The following MMS22L variants were observed in gnomAD, a reference collection of about 807,000 sequenced individuals.
MMS22L encodes protein MMS22-like.
MMS22L carries 74 observed loss-of-function variants against 159.1 expected under a neutral mutation model. The observed-to-expected ratio is 0.47, with a 90% confidence interval of 0.39 to 0.56. MMS22L has a LOEUF of 0.56. Ranked by LOEUF, MMS22L falls within the 20% of genes least tolerant of loss-of-function variation. The pLI is 0.00. For missense variants in MMS22L, 1,351 were observed against 1,422.1 expected, an observed-to-expected ratio of 0.95 and a Z score of 0.80; for synonymous variants, 517 against 506.9, an observed-to-expected ratio of 1.02 and a Z score of -0.27.
At position 97,146,106 on chromosome 6, in the gene MMS22L, T is replaced by A. The variant is rs1375237098; in HGVS notation, c.*700A>T. 1.3e-5 allele frequency: 2 copies of A among 149,792 alleles called. No homozygotes were observed. The highest frequency in any genetic ancestry group is 3.0e-5 in the Non-Finnish European group (2 of 67,374). 9.3% of individuals were successfully genotyped at this position (149,792 alleles called of 1,614,324 possible). On this transcript the variant is annotated 3_prime_UTR_variant, in exon 25 of 25. Coordinates refer to ENST00000683635, the MANE Select transcript of MMS22L (RefSeq NM_001350599.2). Reference sequence around the variant, plus strand: ...CCTCCTCCTGATATGATTTTTTTTTTAATGACAACTCCAAAAGAAAGGATG... The same window carrying A: ...CCTCCTCCTGATATGATTTTTTTTTAAATGACAACTCCAAAAGAAAGGATG...
At chr6:97,156,889 T>C (rs1044420317) in intron 22 of MMS22L, among the ~76,000 whole-genome samples, 2 of 152,202 alleles carry the variant, frequency 1.3e-5, no homozygotes, top group Non-Finnish European at 1.5e-5. Flanking sequence ...GGGAATAGCA[T>C]TGAATCTATA....
intron 14 of MMS22L, among the ~76,000 whole-genome samples, chr6:97,220,797 G>A (rs1809546663): frequency 1.3e-5 from 2 of 152,016 alleles, no homozygotes; most frequent in Non-Finnish European, 2.9e-5. Flanking sequence ...TGGGTCCACT[G>A]CAGTGAGGCA....
At chr6:97,186,414 A>T in intron 15 of MMS22L, 83 bp downstream of exon 15, 1 of 1,140,574 alleles carries the variant, frequency 8.8e-7, no homozygotes, top group East Asian at 2.8e-5. Flanking sequence ...GCTATACAAG[A>T]GTTTGTTACT....
Position 97,255,803 on chromosome 6 carries a change from C to T in MMS22L, c.943-1070G>A, listed in dbSNP as rs184334828. Among the ~76,000 whole-genome samples the T allele has an allele frequency of 3.0e-3, 460 of 152,116 alleles. 3 individuals are homozygous for T. The highest frequency in any genetic ancestry group is 4.1e-3 in the Non-Finnish European group (277 of 67,934). ...AAAATCTGTCCATTTTAAATTGCTACGGTTAACACCATGTTATTAGCCACA... is the reference window on the plus strand; with the variant it reads ...AAAATCTGTCCATTTTAAATTGCTATGGTTAACACCATGTTATTAGCCACA... On this transcript the variant is annotated intron_variant, in intron 9 of 24. Coordinates refer to ENST00000683635, the MANE Select transcript of MMS22L (RefSeq NM_001350599.2).
intron 6 of MMS22L, chr6:97,272,049 G>T (rs1815797582): frequency 6.6e-6 from 1 of 152,130 alleles, no homozygotes; most frequent in Non-Finnish European, 1.5e-5. Context: ...TAATGAAAGG[G>T]GTTGAGACTT....
At chr6:97,279,299 T>C (rs972808905) in intron 3 of MMS22L, among the ~76,000 whole-genome samples, 1 of 150,584 alleles carries the variant, frequency 6.6e-6, no homozygotes, top group African/African-American at 2.5e-5. Flanking sequence ...CTGGCAAACA[T>C]GGTGAAACCC....
intron 7 of MMS22L, among the ~76,000 whole-genome samples, chr6:97,268,588 G>A (rs1013780388): frequency 1.1e-4 from 17 of 151,332 alleles, no homozygotes; most frequent in Admixed American, 3.3e-4. Context: ...AAAAAAAAAA[G>A]AGAGAGAACA....
rs71740630 is a variant in MMS22L, at chr6:97,238,572, C to CGTGT, written c.1183-4596_1183-4593dup. On this transcript the variant is annotated intron_variant, in intron 11 of 24. Coordinates refer to ENST00000683635, the MANE Select transcript of MMS22L (RefSeq NM_001350599.2). Reference sequence around the variant, plus strand: ...TATGGGCTCTCAGCGTGTCTCATCTCGTGTGTGTGTGTGTGTGTGTGTGTG... The same window carrying CGTGT: ...TATGGGCTCTCAGCGTGTCTCATCTCGTGTGTGTGTGTGTGTGTGTGTGTGTGTG... Among the ~76,000 whole-genome samples the CGTGT allele has an allele frequency of 1.9e-3, 176 of 91,530 alleles. 1 individual carries two copies. Among genetic ancestry groups the CGTGT allele is most frequent in the African/African-American group, 5.0e-3 (148 of 29,592 alleles). The allele number at this position is 91,530 out of a possible 152,430, so 60.0% of individuals were successfully genotyped here. A position where few individuals can be genotyped will look rare whatever the true frequency, so the allele number is the denominator to read the frequency against.
chr6:97,226,261 A>G (rs1810235679), intron 14 of MMS22L, among the ~76,000 whole-genome samples: 1 of 152,226 alleles, frequency 6.6e-6, no homozygotes, highest in Non-Finnish European at 1.5e-5. Flanking sequence ...AATATTAAAT[A>G]AAACAAGGAA....
chr6:97,193,983 G>A (rs1215825633), intron 14 of MMS22L, among the ~76,000 whole-genome samples: 1 of 151,920 alleles, frequency 6.6e-6, no homozygotes, highest in Non-Finnish European at 1.5e-5. Flanking sequence ...GGATGGTCTC[G>A]ATCTCCTGAC....
intron 14 of MMS22L, among the ~76,000 whole-genome samples, chr6:97,199,801 C>G (rs372742350): frequency 2.0e-5 from 3 of 151,900 alleles, no homozygotes; most frequent in East Asian, 3.9e-4. Flanking sequence ...TATAACCAAA[C>G]CCTAATGGAA....
chr6:97,185,401 T>C (rs1005089419), intron 15 of MMS22L, among the ~76,000 whole-genome samples: 4 of 152,166 alleles, frequency 2.6e-5, no homozygotes, highest in East Asian at 1.9e-4. Flanking sequence ...AAAGTACACA[T>C]ATTTTGCTTT....
intron 15 of MMS22L, among the ~76,000 whole-genome samples, chr6:97,184,210 T>G (rs1404256753): frequency 6.6e-6 from 1 of 152,052 alleles, no homozygotes; most frequent in Non-Finnish European, 1.5e-5. Flanking sequence ...GGCACCACAC[T>G]TCCCTGCTTT....
rs1352264777 is a variant in MMS22L, at chr6:97,144,769, C to CT, written c.*2036dup. On this transcript the variant is annotated 3_prime_UTR_variant, in exon 25 of 25. Transcript: ENST00000683635. ...AAGGAACTGAGCCATAAATTTTCTT[C>CT]TTTTTTCAATTTAAAAAAAAGCTTT... 15 of 151,786 alleles carry CT rather than the reference C, an allele frequency of 9.9e-5. No individual in the cohort carries two copies. Among genetic ancestry groups the CT allele is most frequent in the African/African-American group, 2.9e-4 (12 of 41,378 alleles). The allele number at this position is 151,786 out of a possible 1,614,324, so 9.4% of individuals were successfully genotyped here. A position where few individuals can be genotyped will look rare whatever the true frequency, so the allele number is the denominator to read the frequency against.
At chr6:97,167,869 T>G (rs1359286424) in intron 20 of MMS22L, among the ~76,000 whole-genome samples, 2 of 151,946 alleles carry the variant, frequency 1.3e-5, no homozygotes, top group African/African-American at 4.8e-5. Context: ...ACCTCCTCTC[T>G]CAACTTTAAG....
chr6:97,278,116 C>T (rs1816417020), intron 4 of MMS22L, among the ~76,000 whole-genome samples: 2 of 152,118 alleles, frequency 1.3e-5, no homozygotes, highest in East Asian at 3.9e-4. Flanking sequence ...CCCTTTATTA[C>T]CTTAGCTATA....
chr6:97,269,368 C>G (rs1446511839), intron 7 of MMS22L, among the ~76,000 whole-genome samples: 1 of 151,984 alleles, frequency 6.6e-6, no homozygotes, highest in Non-Finnish European at 1.5e-5. Flanking sequence ...ATTAAAACTA[C>G]GATGTGCCAC....
chr6:97,260,870 T>C (rs1814393494), intron 9 of MMS22L: 1 of 152,058 alleles, frequency 6.6e-6, no homozygotes, highest in African/African-American at 2.4e-5. Flanking sequence ...TTTTTGGTGG[T>C]GGGAGAGGGT....
At chr6:97,219,184 C>A (rs1195272693) in intron 14 of MMS22L, among the ~76,000 whole-genome samples, 2 of 152,120 alleles carry the variant, frequency 1.3e-5, no homozygotes, top group Non-Finnish European at 2.9e-5. Context: ...ACCATATCAA[C>A]TGGTAACACA....
Sources: gnomAD v4.1 joint callset for allele counts (sites outside exome capture counted in the v4.1 genomes callset) on GRCh38, gnomAD v4.1.1 for gene constraint, MANE v1.5 for transcripts, NCBI Gene and HGNC (gene_info 2026-07-23, HGNC 2026-07-21) for gene names.